ZDHHC20: variants seen among roughly 807,000 people sequenced by gnomAD.
The protein encoded by ZDHHC20 is zDHHC palmitoyltransferase 20, also known as palmitoyltransferase ZDHHC20.
In ZDHHC20, 43 loss-of-function variants were observed where a neutral mutation model predicts 57.8. That is an observed-to-expected ratio of 0.74 (90% confidence interval 0.58 to 0.96). The LOEUF is 0.96. Among genes scored for constraint, ZDHHC20 ranks in the 40% least tolerant of loss-of-function variants. ZDHHC20 has a pLI of 0.00. For synonymous variants in ZDHHC20, 157 were observed against 153.0 expected, an observed-to-expected ratio of 1.03 and a Z score of -0.19; for missense variants, 391 against 441.1, an observed-to-expected ratio of 0.89 and a Z score of 1.02.
At chr13:21,435,336 T>G (rs2137976336) in intron 1 of ZDHHC20, among the ~76,000 whole-genome samples, 1 of 152,328 alleles carries the variant, frequency 6.6e-6, no homozygotes, top group Admixed American at 6.5e-5. Context: ...CTTGAATGTT[T>G]CCATTTTTTA....
intron 7 of ZDHHC20, among the ~76,000 whole-genome samples, chr13:21,396,837 A>AG (rs1403871644): frequency 2.2e-5 from 2 of 91,688 alleles, no homozygotes; most frequent in African/African-American, 6.9e-5. Flanking sequence ...TGTCTCAAAA[A>AG]AAAAAAAAGA....
chr13:21,402,109 C>A (rs983225064), intron 5 of ZDHHC20, among the ~76,000 whole-genome samples: 14 of 151,998 alleles, frequency 9.2e-5, no homozygotes, highest in Non-Finnish European at 2.9e-5. Flanking sequence ...GTACTTGGTA[C>A]ATTAGATCCA....
At chr13:21,435,306 A>G (rs1257850396) in intron 1 of ZDHHC20, among the ~76,000 whole-genome samples, 2 of 152,040 alleles carry the variant, frequency 1.3e-5, no homozygotes, top group Non-Finnish European at 2.9e-5. Flanking sequence ...AAGATCATCC[A>G]CCCATATTTT....
intron 4 of ZDHHC20, among the ~76,000 whole-genome samples, chr13:21,411,090 C>T (rs1297788927): frequency 6.6e-6 from 1 of 152,200 alleles, no homozygotes; most frequent in Non-Finnish European, 1.5e-5. Context: ...CACAGTCCCT[C>T]ATGGCTTCCC....
At position 21,382,952 on chromosome 13, in the gene ZDHHC20, A is replaced by C; in HGVS notation, c.912T>G (p.Ala304=). The change falls in exon 10 of 13, where the codon GCT becomes GCG. Residue 304 remains alanine (A), a synonymous_variant. Coordinates refer to ENST00000400590, the MANE Select transcript of ZDHHC20 (RefSeq NM_001330059.2). The stretch of plus-strand genomic sequence containing the variant: ...CATACTCATTCTGGTTTGTAACAGA[A>C]GCTTGTTCTGGATCCATCCCCACAA... ...TRLVGMDPEQ[A]SVTNQNEYAR... 5 of 1,565,066 alleles carry C rather than the reference A, an allele frequency of 3.2e-6. No individual in the cohort carries two copies. Among genetic ancestry groups the C allele is most frequent in the Non-Finnish European group, 4.3e-6 (5 of 1,153,716 alleles).
At chr13:21,421,244 G>A (rs1213451200) in intron 2 of ZDHHC20, 80 bp from the exon 3 acceptor site, 2 of 1,079,468 alleles carry the variant, frequency 1.9e-6, no homozygotes, top group African/African-American at 1.6e-5. Flanking sequence ...ACAATAATTG[G>A]GTCAGGAGGC....
chr13:21,430,514 G>A (rs1156949919), intron 1 of ZDHHC20, among the ~76,000 whole-genome samples: 1 of 151,954 alleles, frequency 6.6e-6, no homozygotes, highest in Non-Finnish European at 1.5e-5. Flanking sequence ...GACACAGGAG[G>A]GGGGTCTTGT....
At chr13:21,454,735 T>G (rs1014321220) in intron 1 of ZDHHC20, among the ~76,000 whole-genome samples, 7 of 152,214 alleles carry the variant, frequency 4.6e-5, no homozygotes, top group African/African-American at 1.7e-4. Context: ...GCATGTACAA[T>G]GATAGTGCTT....
chr13:21,429,190 C>T (rs1446303099), intron 1 of ZDHHC20, among the ~76,000 whole-genome samples: 1 of 152,108 alleles, frequency 6.6e-6, no homozygotes, highest in Non-Finnish European at 1.5e-5. Flanking sequence ...CAAATGGATA[C>T]ATCTTGAGGG....
At position 21,376,050 on chromosome 13, in the gene ZDHHC20, T is replaced by C. The variant is rs1872020985; in HGVS notation, c.*646A>G. 1 of 152,202 alleles carries C rather than the reference T, an allele frequency of 6.6e-6. No individual in the cohort carries two copies. The highest frequency in any genetic ancestry group is 6.5e-5 in the Admixed American group (1 of 15,270). The allele number at this position is 152,202 out of a possible 1,614,324, so 9.4% of individuals were successfully genotyped here. On this transcript the variant is annotated 3_prime_UTR_variant, in exon 13 of 13. Transcript: ENST00000400590. ...TGTATTAATGCTCATAACTAAGCTTTCGATGAATTAGACCAATGTGTTCTA... is the reference window on the plus strand; with the variant it reads ...TGTATTAATGCTCATAACTAAGCTTCCGATGAATTAGACCAATGTGTTCTA...
At chr13:21,429,374 T>A (rs1738727976) in intron 1 of ZDHHC20, among the ~76,000 whole-genome samples, 1 of 152,256 alleles carries the variant, frequency 6.6e-6, no homozygotes, top group Admixed American at 6.5e-5. Flanking sequence ...GGGCCAGTTA[T>A]ATGCTGGATA....
chr13:21,399,968 C>T (rs1032005813), intron 7 of ZDHHC20, among the ~76,000 whole-genome samples: 1 of 151,636 alleles, frequency 6.6e-6, no homozygotes, highest in Admixed American at 6.6e-5. Context: ...GCTGTAAAAT[C>T]TATAAAGACA....
At chr13:21,391,658 C>A in intron 8 of ZDHHC20, 64 bp downstream of exon 8, 1 of 1,518,484 alleles carries the variant, frequency 6.6e-7, no homozygotes, top group Non-Finnish European at 8.9e-7. Flanking sequence ...TTGTTCTTCT[C>A]TAGATTTCAT....
At position 21,374,495 on chromosome 13, in the gene ZDHHC20, A is replaced by G. The variant is rs1245391229; in HGVS notation, c.*2201T>C. ...GGTGATCCGCCAGCCTTGGCCTCCCAAAGTGCTGGGATTACAGGCATGAGC... is the reference window on the plus strand; with the variant it reads ...GGTGATCCGCCAGCCTTGGCCTCCCGAAGTGCTGGGATTACAGGCATGAGC... On this transcript the variant is annotated 3_prime_UTR_variant, in exon 13 of 13. Transcript: ENST00000400590. 2 of 452,600 alleles carry G rather than the reference A, an allele frequency of 4.4e-6. No individual in the cohort carries two copies. Among genetic ancestry groups the G allele is most frequent in the Admixed American group, 2.4e-5 (1 of 42,466 alleles). The allele number at this position is 452,600 out of a possible 1,614,324, so 28.0% of individuals were successfully genotyped here. A position where few individuals can be genotyped will look rare whatever the true frequency, so the allele number is the denominator to read the frequency against.
At chr13:21,379,433 T>C (rs1307488230) in intron 11 of ZDHHC20, among the ~76,000 whole-genome samples, 1 of 151,950 alleles carries the variant, frequency 6.6e-6, no homozygotes, top group African/African-American at 2.4e-5. Context: ...AGACACATGC[T>C]ATCAGGCCTA....
chr13:21,430,840 T>G (rs533187413), intron 1 of ZDHHC20, among the ~76,000 whole-genome samples: 23 of 152,048 alleles, frequency 1.5e-4, no homozygotes, highest in African/African-American at 5.3e-4. Flanking sequence ...TGATCTGGCT[T>G]CTTCTTGATA....
chr13:21,445,677 ACAAT>A (rs1883620918), intron 1 of ZDHHC20, among the ~76,000 whole-genome samples: 1 of 152,212 alleles, frequency 6.6e-6, no homozygotes, highest in Admixed American at 6.5e-5. Flanking sequence ...TGGCGGCTAC[ACAAT>A]CAATTCACTC....
intron 6 of ZDHHC20, among the ~76,000 whole-genome samples, chr13:21,400,859 C>T (rs1241964598): frequency 1.3e-5 from 2 of 151,844 alleles, no homozygotes; most frequent in South Asian, 2.1e-4. Flanking sequence ...TACAGGCGCC[C>T]AACACAACAG....
chr13:21,451,059 T>C (rs934429990), intron 1 of ZDHHC20, among the ~76,000 whole-genome samples: 1 of 152,150 alleles, frequency 6.6e-6, no homozygotes, highest in African/African-American at 2.4e-5. Flanking sequence ...TGGCCAAAAG[T>C]TTTTTGTTTT....
Sources: gnomAD v4.1 joint callset for allele counts (sites outside exome capture counted in the v4.1 genomes callset) on GRCh38, gnomAD v4.1.1 for gene constraint, MANE v1.5 for transcripts, NCBI Gene and HGNC (gene_info 2026-07-23, HGNC 2026-07-21) for gene names.